The following PAAF1 variants were observed in gnomAD, a reference collection of about 807,000 sequenced individuals.
PAAF1 encodes the protein proteasomal ATPase associated factor 1, also known as proteasomal ATPase-associated factor 1.
A neutral mutation model predicts 52.8 loss-of-function variants in PAAF1; 46 were observed. The observed-to-expected ratio is 0.87, with a 90% CI of 0.69 to 1.11. The LOEUF is 1.11. Among genes scored for constraint, PAAF1 ranks in the 50% most tolerant of loss-of-function variants. The probability of loss-of-function intolerance (pLI) is 0.00; values close to 1 mark genes in which losing one functional copy is unlikely to be tolerated. For synonymous variants in PAAF1, 178 were observed against 172.8 expected (o/e 1.03, Z -0.24); for missense variants, 424 against 477.4 (o/e 0.89, Z 1.04).
intron 4 of PAAF1, among the ~76,000 whole-genome samples, chr11:73,896,444 G>A (rs979300292): frequency 4.0e-5 from 6 of 150,988 alleles, no homozygotes; most frequent in African/African-American, 1.2e-4. Flanking sequence ...AGGACCCTGC[G>A]GCCTTCCGCA....
intron 10 of PAAF1, among the ~76,000 whole-genome samples, chr11:73,923,322 A>G (rs1950275635): frequency 6.6e-6 from 1 of 152,152 alleles, no homozygotes; most frequent in Non-Finnish European, 1.5e-5. Flanking sequence ...CTTTATATAT[A>G]CAAAGTCATA....
intron 4 of PAAF1, among the ~76,000 whole-genome samples, chr11:73,896,685 C>G (rs141952274): frequency 0.021 from 3,127 of 152,276 alleles, 107 homozygotes; most frequent in African/African-American, 0.07. Flanking sequence ...TGAAAAGTCT[C>G]CCATGTCTAC....
chr11:73,892,005 T>C (rs1337433333), intron 4 of PAAF1, among the ~76,000 whole-genome samples: 1 of 152,134 alleles, frequency 6.6e-6, no homozygotes, highest in Non-Finnish European at 1.5e-5. Context: ...CATTCACTTC[T>C]TACTGTGTGG....
At chr11:73,899,534 C>A (rs1949535726) in intron 5 of PAAF1, among the ~76,000 whole-genome samples, 1 of 151,308 alleles carries the variant, frequency 6.6e-6, no homozygotes. Flanking sequence ...GCCTCAGCCT[C>A]CCAAGTAGCT....
At chr11:73,899,005 A>G in intron 4 of PAAF1, 141 bp from the exon 5 acceptor site, 1 of 611,682 alleles carries the variant, frequency 1.6e-6, no homozygotes, top group South Asian at 2.4e-5. Context: ...CAACCTTTAC[A>G]TCAAACACAA....
intron 4 of PAAF1, among the ~76,000 whole-genome samples, chr11:73,897,554 G>A (rs552183829): frequency 3.4e-4 from 51 of 150,086 alleles, no homozygotes; most frequent in Middle Eastern, 3.6e-3. Context: ...ATGGGCGGCC[G>A]GGCAGAGACG....
rs1365497634 is a variant in PAAF1, at chr11:73,877,002, C to G, written c.-20C>G. On this transcript the variant is annotated 5_prime_UTR_variant, in exon 1 of 12. Transcript: ENST00000310571. Reference sequence around the variant, plus strand: ...TCCGGGAAGGGGCGGAAGAGGTGGGCTGGTGGAGGCGGGGTCGAGATGGCG... The same window carrying G: ...TCCGGGAAGGGGCGGAAGAGGTGGGGTGGTGGAGGCGGGGTCGAGATGGCG... The G allele has an allele frequency of 1.3e-6, 2 of 1,524,410 alleles. No homozygotes were observed. Among genetic ancestry groups the G allele is most frequent in the East Asian group, 2.6e-5 (1 of 38,914 alleles). The allele number at this position is 1,524,410 out of a possible 1,614,324, so 94.4% of individuals were successfully genotyped here.
At chr11:73,879,115 C>T (rs1948823387) in intron 2 of PAAF1, 1 of 190,772 alleles carries the variant, frequency 5.2e-6, no homozygotes, top group Admixed American at 6.0e-5. Context: ...TCAACTGGGA[C>T]TTTCTTGATG....
At chr11:73,904,179 T>G (rs1235013850) in intron 6 of PAAF1, among the ~76,000 whole-genome samples, 4 of 152,064 alleles carry the variant, frequency 2.6e-5, no homozygotes, top group Non-Finnish European at 4.4e-5. Context: ...TAGTTTGTTC[T>G]CTACTTAATT....
At chr11:73,903,405 T>TTG (rs1401648943) in intron 6 of PAAF1, among the ~76,000 whole-genome samples, 1 of 152,148 alleles carries the variant, frequency 6.6e-6, no homozygotes, top group Non-Finnish European at 1.5e-5. Context: ...CCAAGTTGCT[T>TTG]TGTGTGACTT....
chr11:73,893,344 T>C (rs959033222), intron 4 of PAAF1, among the ~76,000 whole-genome samples: 14 of 152,198 alleles, frequency 9.2e-5, no homozygotes, highest in Non-Finnish European at 1.6e-4. Flanking sequence ...CAAGAGTCAA[T>C]TGTAATGCCA....
intron 5 of PAAF1, among the ~76,000 whole-genome samples, 164 bp downstream of exon 5, chr11:73,899,408 C>CTTTTTTTTT (rs71065053): frequency 3.7e-4 from 37 of 101,190 alleles, no homozygotes; most frequent in Non-Finnish European, 5.7e-4. Flanking sequence ...TTCTTTTTCT[C>CTTTTTTTTT]TTTTTTTTTT....
intron 6 of PAAF1, among the ~76,000 whole-genome samples, chr11:73,901,908 G>A (rs1414142574): frequency 1.5e-5 from 2 of 133,008 alleles, no homozygotes; most frequent in Non-Finnish European, 3.1e-5. Context: ...TTGTTGCCCA[G>A]TCTGGAGTGC....
chr11:73,918,750 A>G (rs1458751917), intron 9 of PAAF1, among the ~76,000 whole-genome samples, 200 bp from the exon 10 acceptor site: 2 of 152,260 alleles, frequency 1.3e-5, no homozygotes, highest in Admixed American at 6.5e-5. Flanking sequence ...GACTTAGTTC[A>G]TGTTTAGAGA....
At chr11:73,887,632 T>G (rs913831081) in intron 3 of PAAF1, among the ~76,000 whole-genome samples, 175 bp downstream of exon 3, 1 of 152,234 alleles carries the variant, frequency 6.6e-6, no homozygotes, top group Non-Finnish European at 1.5e-5. Flanking sequence ...CATATACTTT[T>G]AAGTGCCATC....
At chr11:73,887,186 T>G in intron 2 of PAAF1, 168 bp from the exon 3 acceptor site, 1 of 538,114 alleles carries the variant, frequency 1.9e-6, no homozygotes, top group Non-Finnish European at 3.3e-6. Flanking sequence ...AGACACCTAA[T>G]CTAATTCTCT....
chr11:73,880,717 A>T (rs900947847), intron 2 of PAAF1: 1 of 145,554 alleles, frequency 6.9e-6, no homozygotes, highest in African/African-American at 2.6e-5. Context: ...AAAAAAAAAA[A>T]GCCAGGCACA....
chr11:73,924,703 G>A lies in PAAF1; in HGVS notation c.1101+6G>A. 6.2e-7 allele frequency: 1 copy of A among 1,612,058 alleles called. No individual in the cohort carries two copies. Among genetic ancestry groups the A allele is most frequent in the Non-Finnish European group, 8.5e-7 (1 of 1,178,184 alleles). On this transcript the variant is annotated splice_donor_region_variant and intron_variant, in intron 11 of 11. Coordinates refer to ENST00000310571, the MANE Select transcript of PAAF1 (RefSeq NM_025155.3). ...ACTGTGACCCTGTGTACAAGGTACA[G>A]GCCTGAGACGACACCAGACCTGGGT...
intron 2 of PAAF1, among the ~76,000 whole-genome samples, chr11:73,886,477 C>T (rs529280852): frequency 2.2e-4 from 34 of 151,980 alleles, no homozygotes; most frequent in Non-Finnish European, 4.1e-4. Flanking sequence ...AGATCGAGTC[C>T]ATTCTGGCTA....
Sources: gnomAD v4.1 joint callset for allele counts (sites outside exome capture counted in the v4.1 genomes callset) on GRCh38, gnomAD v4.1.1 for gene constraint, MANE v1.5 for transcripts, NCBI Gene and HGNC (gene_info 2026-07-23, HGNC 2026-07-21) for gene names.